The following HS6ST3 variants were observed in gnomAD, a reference collection of about 807,000 sequenced individuals.
HS6ST3 encodes the protein heparan sulfate 6-O-sulfotransferase 3.
A neutral mutation model predicts 36.7 loss-of-function variants in HS6ST3; 12 were observed. That is an observed-to-expected ratio of 0.33 (90% confidence interval 0.21 to 0.53). The LOEUF is 0.53. HS6ST3 is among the 20% of genes least tolerant of loss of function. HS6ST3 has a pLI of 0.95. For synonymous variants in HS6ST3, 240 were observed against 257.5 expected (o/e 0.93, Z 0.65); for missense variants, 584 against 640.9 (o/e 0.91, Z 0.96).
At chr13:96,184,660 CT>C (rs1280020162) in intron 1 of HS6ST3, among the ~76,000 whole-genome samples, 1 of 152,110 alleles carries the variant, frequency 6.6e-6, no homozygotes, top group Non-Finnish European at 1.5e-5. Flanking sequence ...GCCCCCTCAT[CT>C]TTCAGGACTT....
chr13:96,294,930 A>C (rs2054847521), intron 1 of HS6ST3, among the ~76,000 whole-genome samples: 1 of 152,154 alleles, frequency 6.6e-6, no homozygotes, highest in African/African-American at 2.4e-5. Context: ...AATCCTTAAT[A>C]GCATTGCTAT....
rs76058136 is a variant in HS6ST3 at position 96,716,814 on chromosome 13, C to T, written c.708-115676C>T. ...CTTTTAAAAGATAGCATACAGTAAC[C>T]GTAAAGTGAAAAAGAAAACAAGAAC... On this transcript the variant is annotated intron_variant, in intron 1 of 1. Transcript: ENST00000376705. 9.9e-3 allele frequency among the ~76,000 whole-genome samples: 1,507 copies of T among 152,100 alleles called. 12 individuals are homozygous for T. The highest frequency in any genetic ancestry group is 0.041 in the South Asian group (195 of 4,808).
At chr13:96,597,492 A>C (rs1448725990) in intron 1 of HS6ST3, among the ~76,000 whole-genome samples, 1 of 152,094 alleles carries the variant, frequency 6.6e-6, no homozygotes, top group Non-Finnish European at 1.5e-5. Flanking sequence ...AAATATGAAC[A>C]GATATGTCTG....
At chr13:96,751,728 C>T (rs1242318353) in intron 1 of HS6ST3, among the ~76,000 whole-genome samples, 2 of 151,738 alleles carry the variant, frequency 1.3e-5, no homozygotes, top group East Asian at 3.9e-4. Context: ...GAAAAAAAGG[C>T]TCTATTTTCA....
At chr13:96,200,247 A>G (rs150010493) in intron 1 of HS6ST3, among the ~76,000 whole-genome samples, 1,692 of 152,262 alleles carry the variant, frequency 0.011, 31 homozygotes, top group African/African-American at 0.039. Flanking sequence ...ACTCACAGTA[A>G]AATCTCATAC....
chr13:96,210,138 G>GT (rs1436764667), intron 1 of HS6ST3, among the ~76,000 whole-genome samples: 1 of 152,052 alleles, frequency 6.6e-6, no homozygotes, highest in East Asian at 1.9e-4. Context: ...TTGCTATCCA[G>GT]TTTAATTAAA....
At chr13:96,226,762 G>C (rs963168521) in intron 1 of HS6ST3, among the ~76,000 whole-genome samples, 1 of 151,992 alleles carries the variant, frequency 6.6e-6, no homozygotes, top group African/African-American at 2.4e-5. Flanking sequence ...AGACATCTTG[G>C]TATGAATACA....
intron 1 of HS6ST3, among the ~76,000 whole-genome samples, chr13:96,373,448 G>A (rs924722484): frequency 6.6e-6 from 1 of 152,118 alleles, no homozygotes; most frequent in Non-Finnish European, 1.5e-5. Context: ...TCTGAAAAAG[G>A]ATTTTCGTGA....
At chr13:96,357,164 C>A (rs8002711) in intron 1 of HS6ST3, among the ~76,000 whole-genome samples, 102 of 152,288 alleles carry the variant, frequency 6.7e-4, no homozygotes, top group African/African-American at 2.3e-3. Flanking sequence ...CTGGTGTGAT[C>A]TTTTATCCAG....
chr13:96,532,883 A>G (rs2056141158), intron 1 of HS6ST3, among the ~76,000 whole-genome samples: 1 of 152,160 alleles, frequency 6.6e-6, no homozygotes, highest in African/African-American at 2.4e-5. Flanking sequence ...GATGGAACAA[A>G]AAGAGGGTGG....
At chr13:96,681,336 T>C (rs1364505327) in intron 1 of HS6ST3, among the ~76,000 whole-genome samples, 1 of 152,174 alleles carries the variant, frequency 6.6e-6, no homozygotes, top group African/African-American at 2.4e-5. Flanking sequence ...TACATTCAAA[T>C]GCTTGTCAAT....
At chr13:96,532,819 CAA>C (rs2056140894) in intron 1 of HS6ST3, among the ~76,000 whole-genome samples, 1 of 152,102 alleles carries the variant, frequency 6.6e-6, no homozygotes, top group African/African-American at 2.4e-5. Context: ...GCCAGGATAA[CAA>C]AGAGGACCTT....
chr13:96,636,235 A>G (rs945775521), intron 1 of HS6ST3, among the ~76,000 whole-genome samples: 7 of 152,198 alleles, frequency 4.6e-5, no homozygotes, highest in Non-Finnish European at 1.0e-4. Flanking sequence ...AAAAAGTGAG[A>G]AAATCGTACA....
intron 1 of HS6ST3, among the ~76,000 whole-genome samples, chr13:96,238,407 G>T (rs114368493): frequency 2.0e-3 from 303 of 152,188 alleles, no homozygotes; most frequent in African/African-American, 6.7e-3. Context: ...ATCCAATTTC[G>T]CCTGTTAGAT....
chr13:96,091,549 C>G lies in HS6ST3; in HGVS notation c.687C>G (p.Pro229=). 2 of 1,582,682 alleles carry G rather than the reference C, an allele frequency of 1.3e-6. No individual in the cohort carries two copies. The highest frequency in any genetic ancestry group is 1.7e-6 in the Non-Finnish European group (2 of 1,170,240). Residue 229 remains proline (P), a synonymous_variant, in exon 1 of 2, where the codon CCC becomes CCG. Coordinates refer to ENST00000376705, the MANE Select transcript of HS6ST3 (RefSeq NM_153456.4). ...CCATCATGGAGAAGAAGGACTGTCC[C>G]CGCAACCACAGCCACACCAGGTACT... ...VPAIMEKKDC[P]RNHSHTRNFY...
At chr13:96,184,984 T>C (rs2054258634) in intron 1 of HS6ST3, among the ~76,000 whole-genome samples, 1 of 152,208 alleles carries the variant, frequency 6.6e-6, no homozygotes, top group Non-Finnish European at 1.5e-5. Context: ...ACTTTTCTCA[T>C]TTTCACAATT....
At chr13:96,380,675 A>G (rs1328929757) in intron 1 of HS6ST3, among the ~76,000 whole-genome samples, 3 of 152,252 alleles carry the variant, frequency 2.0e-5, no homozygotes, top group African/African-American at 7.2e-5. Flanking sequence ...CAAAATATTC[A>G]GAAAAATCTA....
intron 1 of HS6ST3, among the ~76,000 whole-genome samples, chr13:96,347,058 C>T (rs1417158503): frequency 6.6e-6 from 1 of 152,132 alleles, no homozygotes; most frequent in African/African-American, 2.4e-5. Context: ...CGGGTCTTTC[C>T]TTGGTTGAGG....
intron 1 of HS6ST3, among the ~76,000 whole-genome samples, chr13:96,167,962 T>C (rs1189080837): frequency 6.6e-6 from 1 of 152,228 alleles, no homozygotes; most frequent in African/African-American, 2.4e-5. Flanking sequence ...CTGAAAATTT[T>C]TCCAAGTGTC....
Sources: gnomAD v4.1 joint callset for allele counts (sites outside exome capture counted in the v4.1 genomes callset) on GRCh38, gnomAD v4.1.1 for gene constraint, MANE v1.5 for transcripts, NCBI Gene and HGNC (gene_info 2026-07-23, HGNC 2026-07-21) for gene names.